ITFG1: variants seen among roughly 807,000 people sequenced by gnomAD.
ITFG1 encodes T-cell immunomodulatory protein.
Under a neutral mutation model 81.8 loss-of-function variants are expected in ITFG1, and 34 were observed. The ratio of observed to expected loss-of-function variants is 0.42; its 90% CI spans 0.32 to 0.55. The LOEUF (loss-of-function observed/expected upper bound fraction) is 0.55, where lower values mean the gene tolerates loss of function less well. Among genes scored for constraint, ITFG1 ranks in the 20% least tolerant of loss-of-function variants. The probability of loss-of-function intolerance (pLI) is 0.17; values close to 1 mark genes in which losing one functional copy is unlikely to be tolerated. For synonymous variants in ITFG1, 285 were observed against 270.6 expected, an observed-to-expected ratio of 1.05 and a Z score of -0.52; for missense variants, 672 against 755.4, an observed-to-expected ratio of 0.89 and a Z score of 1.29.
chr16:47,437,923 C>T (rs2151612963), intron 5 of ITFG1, among the ~76,000 whole-genome samples: 1 of 152,336 alleles, frequency 6.6e-6, no homozygotes, highest in Admixed American at 6.5e-5. Flanking sequence ...CAGGGAATTC[C>T]CTTTCCTAGT....
intron 14 of ITFG1, among the ~76,000 whole-genome samples, chr16:47,177,310 A>G (rs547104308): frequency 6.6e-6 from 1 of 151,482 alleles, no homozygotes; most frequent in East Asian, 1.9e-4. Context: ...CAATTATCAT[A>G]CTCCCTTGTT....
chr16:47,354,486 G>T (rs1183673295), intron 8 of ITFG1, among the ~76,000 whole-genome samples: 1 of 152,074 alleles, frequency 6.6e-6, no homozygotes, highest in East Asian at 1.9e-4. Context: ...CATGACATTG[G>T]TCTTGTCAAG....
At chr16:47,437,427 C>T (rs1969181323) in intron 5 of ITFG1, among the ~76,000 whole-genome samples, 2 of 150,028 alleles carry the variant, frequency 1.3e-5, no homozygotes, top group South Asian at 4.2e-4. Flanking sequence ...ATGATCGTAC[C>T]ACTGCACTTC....
intron 10 of ITFG1, chr16:47,299,545 G>T (rs1967041160): frequency 6.6e-6 from 1 of 152,422 alleles, no homozygotes; most frequent in African/African-American, 2.4e-5. Flanking sequence ...CCTGATGGGG[G>T]TTGGAGGACA....
chr16:47,241,849 G>A (rs193109740), intron 12 of ITFG1, among the ~76,000 whole-genome samples: 8 of 152,122 alleles, frequency 5.3e-5, no homozygotes, highest in Admixed American at 4.6e-4. Context: ...AGCTACTTGA[G>A]AGGCTGAGGC....
intron 10 of ITFG1, among the ~76,000 whole-genome samples, chr16:47,300,787 G>A (rs908249594): frequency 5.9e-5 from 9 of 152,268 alleles, no homozygotes; most frequent in Middle Eastern, 6.8e-3. Flanking sequence ...AGCGAGTACC[G>A]AATTTCAGTT....
At position 47,423,858 on chromosome 16, in the gene ITFG1, A is replaced by T. The variant is rs141979251; in HGVS notation, c.655+4946T>A. On this transcript the variant is annotated intron_variant, in intron 6 of 17. Coordinates refer to ENST00000320640, the MANE Select transcript of ITFG1 (RefSeq NM_030790.5). ...CGACCTTTCTCTCTGGCTGCCCTTG[A>T]CATTTTTTCCTTCATTTCAACCTTA... is the stretch of plus-strand genomic sequence containing the variant. Among the ~76,000 whole-genome samples the T allele has an allele frequency of 3.4e-3, 525 of 152,224 alleles. 8 individuals are homozygous for T. The South Asian group carries it at 0.055, about 16-fold the overall frequency.
chr16:47,198,716 G>A (rs1276407306), intron 14 of ITFG1, among the ~76,000 whole-genome samples: 1 of 152,106 alleles, frequency 6.6e-6, no homozygotes, highest in African/African-American at 2.4e-5. Context: ...AAGATGTGGA[G>A]GTGGAAGACA....
At chr16:47,216,393 G>A (rs933902946) in intron 14 of ITFG1, among the ~76,000 whole-genome samples, 4 of 152,066 alleles carry the variant, frequency 2.6e-5, no homozygotes, top group South Asian at 2.1e-4. Context: ...TAGAGACAGC[G>A]TTTCACCATT....
At chr16:47,167,615 T>C (rs184335488) in intron 14 of ITFG1, among the ~76,000 whole-genome samples, 1 of 152,174 alleles carries the variant, frequency 6.6e-6, no homozygotes, top group Non-Finnish European at 1.5e-5. Flanking sequence ...CCAAAGCTTA[T>C]AAAACGGCCC....
At chr16:47,325,781 T>G (rs1441671209) in intron 8 of ITFG1, among the ~76,000 whole-genome samples, 2 of 152,130 alleles carry the variant, frequency 1.3e-5, no homozygotes, top group African/African-American at 4.8e-5. Context: ...CAGGAAGAAG[T>G]TGATTCTCTG....
In ITFG1 at chr16:47,182,926, C is replaced by T. The variant is rs552895378; in HGVS notation, c.1454-20262G>A. 2.2e-3 allele frequency among the ~76,000 whole-genome samples: 328 copies of T among 152,232 alleles called. 1 individual carries two copies. The highest frequency in any genetic ancestry group is 7.6e-3 in the African/African-American group (315 of 41,542). On this transcript the variant is annotated intron_variant, in intron 14 of 17. Coordinates refer to ENST00000320640, the MANE Select transcript of ITFG1 (RefSeq NM_030790.5). Reference sequence around the variant, plus strand: ...AGTGGGTGCGCACACCGTGCGCGAGCGGAAGCAGGGCGAGCCATTGCCTCA... The same window carrying T: ...AGTGGGTGCGCACACCGTGCGCGAGTGGAAGCAGGGCGAGCCATTGCCTCA...
At chr16:47,457,708 A>C (rs961882692) in intron 2 of ITFG1, among the ~76,000 whole-genome samples, 19 of 152,194 alleles carry the variant, frequency 1.2e-4, no homozygotes, top group Admixed American at 5.9e-4. Context: ...CATTGCATTA[A>C]TAAAAAAATT....
chr16:47,245,527 C>T (rs1281132696), intron 12 of ITFG1, among the ~76,000 whole-genome samples: 1 of 151,862 alleles, frequency 6.6e-6, no homozygotes, highest in Non-Finnish European at 1.5e-5. Flanking sequence ...TTTTTTCCTC[C>T]TAAAAACACC....
intron 5 of ITFG1, among the ~76,000 whole-genome samples, chr16:47,441,195 C>T (rs1969244770): frequency 6.6e-6 from 1 of 152,110 alleles, no homozygotes; most frequent in Non-Finnish European, 1.5e-5. Flanking sequence ...TAACAGCTTA[C>T]CAACCAAAAA....
At chr16:47,429,143 C>A (rs1055563554) in intron 5 of ITFG1, among the ~76,000 whole-genome samples, 2 of 152,134 alleles carry the variant, frequency 1.3e-5, no homozygotes, top group African/African-American at 4.8e-5. Flanking sequence ...TCTATTTCCC[C>A]TTATTGGCAA....
At chr16:47,296,030 C>G (rs976130148) in intron 10 of ITFG1, among the ~76,000 whole-genome samples, 1 of 152,086 alleles carries the variant, frequency 6.6e-6, no homozygotes, top group East Asian at 1.9e-4. Context: ...TCCCAGGTAG[C>G]TGAGTCTACA....
chr16:47,429,627 GTGATA>G (rs2151609871), intron 5 of ITFG1, among the ~76,000 whole-genome samples: 1 of 152,280 alleles, frequency 6.6e-6, no homozygotes, highest in Admixed American at 6.5e-5. Context: ...CCTAGAGGGT[GTGATA>G]CAGTATTTCA....
intron 14 of ITFG1, among the ~76,000 whole-genome samples, chr16:47,171,029 CTT>C (rs61494352): frequency 1.9e-3 from 189 of 97,722 alleles, no homozygotes; most frequent in Admixed American, 3.0e-3. Context: ...GCCACTGTGC[CTT>C]TTTTTTTTTT....
Sources: gnomAD v4.1 joint callset for allele counts (sites outside exome capture counted in the v4.1 genomes callset) on GRCh38, gnomAD v4.1.1 for gene constraint, MANE v1.5 for transcripts, NCBI Gene and HGNC (gene_info 2026-07-23, HGNC 2026-07-21) for gene names.